CIITA: variants seen among roughly 807,000 people sequenced by gnomAD.
The protein encoded by CIITA is MHC class II transactivator.
CIITA carries 72 observed loss-of-function variants against 115.1 expected under a neutral mutation model. That is an observed-to-expected ratio of 0.63 (90% CI 0.52 to 0.76). CIITA has a LOEUF of 0.76. CIITA is among the 30% of genes least tolerant of loss of function. The pLI, the probability that CIITA is intolerant of heterozygous loss-of-function variation, is 0.00. For synonymous variants in CIITA, 763 were observed against 635.6 expected (o/e 1.20, Z -3.02); for missense variants, 1,617 against 1,463.8 (o/e 1.10, Z -1.71).
intron 1 of CIITA, chr16:10,888,546 G>C (rs1337213145): frequency 6.6e-6 from 1 of 152,236 alleles, no homozygotes; most frequent in Non-Finnish European, 1.5e-5. Flanking sequence ...TCAGACACCT[G>C]TTTAGTGTCT....
chr16:10,876,152 G>A (rs912892474), upstream of CIITA, among the ~76,000 whole-genome samples: 7 of 151,538 alleles, frequency 4.6e-5, no homozygotes, highest in African/African-American at 9.7e-5. Flanking sequence ...GTGAAACTCC[G>A]TCTAAAAAAA....
intron 1 of CIITA, among the ~76,000 whole-genome samples, chr16:10,881,337 A>G (rs1596441221): frequency 6.6e-6 from 1 of 152,196 alleles, no homozygotes; most frequent in Non-Finnish European, 1.5e-5. Context: ...AGAGGAAAGC[A>G]TAGGCAGATG....
intron 1 of CIITA, among the ~76,000 whole-genome samples, chr16:10,868,910 T>A (rs2035282714): frequency 6.6e-6 from 1 of 152,232 alleles, no homozygotes; most frequent in Non-Finnish European, 1.5e-5. Flanking sequence ...TTTCTCTTTC[T>A]GCCCTCCAGC....
In CIITA at chr16:10,907,348, A is replaced by G. The variant is rs371603520; in HGVS notation, c.1856A>G (p.Gln619Arg). 44 of 1,613,506 alleles carry G rather than the reference A, an allele frequency of 2.7e-5. No homozygotes were observed. Among genetic ancestry groups the G allele is most frequent in the East Asian group, 2.7e-4 (12 of 44,866 alleles). Residue 619 changes from glutamine (Q) to arginine (R), a missense_variant, in exon 11 of 20, where the codon CAG (glutamine) becomes CGG (arginine). Gln to Arg is a conservative substitution (Grantham distance 43). Transcript: ENST00000324288. This position sits in a 1 kb window ranked among gnomAD's most constrained non-coding sequence, Gnocchi z 5.0. ...HSPTLCRAVC[Q>R]LSEALLELGE... is the part of the protein sequence containing the mutation. ...CCTACTTTGTGCCGGGCAGTGTGCCAGCTCTCAGAGGCCCTGCTGGAGCTT... is the reference window on the plus strand; with the variant it reads ...CCTACTTTGTGCCGGGCAGTGTGCCGGCTCTCAGAGGCCCTGCTGGAGCTT...
At chr16:10,881,051 A>G (rs955609560) in intron 1 of CIITA, among the ~76,000 whole-genome samples, 21 of 152,150 alleles carry the variant, frequency 1.4e-4, no homozygotes, top group African/African-American at 4.6e-4. Flanking sequence ...AGGCGGGTGG[A>G]TTGCTTGAGG....
At chr16:10,914,679 C>T (rs530387655) in intron 13 of CIITA, among the ~76,000 whole-genome samples, 1 of 152,278 alleles carries the variant, frequency 6.6e-6, no homozygotes, top group South Asian at 2.1e-4. Flanking sequence ...GGCTGTGTGA[C>T]CCTGTGTGAG....
At chr16:10,905,418 G>A (rs1470236071) in intron 10 of CIITA, among the ~76,000 whole-genome samples, 1 of 152,156 alleles carries the variant, frequency 6.6e-6, no homozygotes, top group Non-Finnish European at 1.5e-5. Context: ...TCCCCATGGT[G>A]AGTGAGTAGT....
At chr16:10,877,451 A>G (rs2035936462) in intron 1 of CIITA, 69 bp downstream of exon 1, 6 of 1,500,096 alleles carry the variant, frequency 4.0e-6, no homozygotes, top group Non-Finnish European at 5.5e-6. Flanking sequence ...CCAGATAAAC[A>G]GAGAAACCAT....
chr16:10,928,196 CTGCTTCA>C lies in CIITA; in HGVS notation c.*4342_*4348del, dbSNP rs1305233652. The C allele has an allele frequency of 5.9e-5, 9 of 152,342 alleles. No individual in the cohort carries two copies. The highest frequency in any genetic ancestry group is 1.9e-4 in the African/African-American group (8 of 41,572). 9.4% of individuals were successfully genotyped at this position (152,342 alleles called of 1,614,324 possible). A position where few individuals can be genotyped will look rare whatever the true frequency, so the allele number is the denominator to read the frequency against. On this transcript the variant is annotated 3_prime_UTR_variant, in exon 20 of 20. Coordinates refer to ENST00000324288, the MANE Select transcript of CIITA (RefSeq NM_000246.4). Reference sequence around the variant, plus strand: ...TAGAAAGGGGTCAATCGTTTGAACCCTGCTTCACTTGGTGTGTATGTGAAGGTGCTTT... The same window carrying C: ...TAGAAAGGGGTCAATCGTTTGAACCCCTTGGTGTGTATGTGAAGGTGCTTT...
chr16:10,872,998 G>C (rs958507869), upstream of CIITA, among the ~76,000 whole-genome samples: 14 of 152,106 alleles, frequency 9.2e-5, no homozygotes, highest in East Asian at 2.3e-3. Flanking sequence ...TTTGAGACAG[G>C]GTCTTGCTCT....
In CIITA at chr16:10,930,638, C is replaced by T. The variant is rs140885026; in HGVS notation, c.*6783C>T. On this transcript the variant is annotated 3_prime_UTR_variant, in exon 20 of 20. Coordinates refer to ENST00000324288, the MANE Select transcript of CIITA (RefSeq NM_000246.4). ...AAAGCTGGCACTGGCTTGGTAATAA[C>T]GATGGAAACGGTCTGAATGAGAGCA... The T allele has an allele frequency of 1.3e-5, 2 of 152,280 alleles. No homozygotes were observed. Among genetic ancestry groups the T allele is most frequent in the East Asian group, 3.9e-4 (2 of 5,190 alleles). The allele number at this position is 152,280 out of a possible 1,614,324, so 9.4% of individuals were successfully genotyped here.
chr16:10,870,015 A>G (rs2035368615), intron 1 of CIITA, among the ~76,000 whole-genome samples: 1 of 152,040 alleles, frequency 6.6e-6, no homozygotes, highest in South Asian at 2.1e-4. Flanking sequence ...ATGAGTGGGT[A>G]GATGGATGAA....
chr16:10,871,952 G>A (rs376950908), intron 1 of CIITA, among the ~76,000 whole-genome samples: 59 of 152,260 alleles, frequency 3.9e-4, no homozygotes, highest in African/African-American at 1.2e-3. Flanking sequence ...AACCAGTCAC[G>A]GTTTCTGTTC....
chr16:10,894,106 C>A (rs1182251795), intron 1 of CIITA, among the ~76,000 whole-genome samples: 1 of 152,210 alleles, frequency 6.6e-6, no homozygotes, highest in Non-Finnish European at 1.5e-5. Flanking sequence ...CCTGTCTCAG[C>A]CTCCCAAAGT....
downstream of CIITA, chr16:10,936,679 G>A (rs573465415): frequency 2.6e-5 from 4 of 152,346 alleles, no homozygotes; most frequent in African/African-American, 9.6e-5. Flanking sequence ...CAGAAACTAT[G>A]AGCTGGTGTT....
chr16:10,933,973 G>A lies in CIITA; in HGVS notation c.*10118G>A, dbSNP rs376434800. 2.0e-5 allele frequency: 3 copies of A among 152,348 alleles called. No individual in the cohort carries two copies. In the South Asian group the frequency reaches 6.2e-4, roughly 32 times the overall value. The allele number at this position is 152,348 out of a possible 1,614,324, so 9.4% of individuals were successfully genotyped here. ...CCGGAAGGAGACAGACGGCAAAGGAGAAGCTGCCTGTCTCTGCACAGGTCC... is the reference window on the plus strand; with the variant it reads ...CCGGAAGGAGACAGACGGCAAAGGAAAAGCTGCCTGTCTCTGCACAGGTCC... On this transcript the variant is annotated 3_prime_UTR_variant, in exon 20 of 20. Coordinates refer to ENST00000324288, the MANE Select transcript of CIITA (RefSeq NM_000246.4).
rs111687751 is a variant in CIITA at position 10,895,562 on chromosome 16, C to G, written c.200-107C>G. On this transcript the variant is annotated intron_variant, in intron 2 of 19. Coordinates refer to ENST00000324288, the MANE Select transcript of CIITA (RefSeq NM_000246.4). ...ACAGCTCCCACGTCTGTGGGACGCT[C>G]TCTGCAGATGGGGATGATCTCCCAG... 4.8e-5 allele frequency: 75 copies of G among 1,558,710 alleles called. No homozygotes were observed. In the African/African-American group the frequency reaches 8.8e-4, roughly 18 times the overall value.
intron 13 of CIITA, among the ~76,000 whole-genome samples, chr16:10,912,406 G>A (rs1344743918): frequency 2.0e-5 from 3 of 152,154 alleles, no homozygotes; most frequent in Admixed American, 6.5e-5. Context: ...AAGCCACCAT[G>A]CCCAGCTTAT....
intron 10 of CIITA, among the ~76,000 whole-genome samples, chr16:10,905,777 G>C (rs2039104053): frequency 6.6e-6 from 1 of 151,382 alleles, no homozygotes; most frequent in African/African-American, 2.4e-5. Context: ...AAAAAAGAGA[G>C]AAAAGGTCTA....
Sources: gnomAD v4.1 joint callset for allele counts (sites outside exome capture counted in the v4.1 genomes callset) on GRCh38, gnomAD v4.1.1 for gene constraint, Gnocchi (gnomAD v3.1) non-coding constraint, MANE v1.5 for transcripts, NCBI Gene and HGNC (gene_info 2026-07-23, HGNC 2026-07-21) for gene names.